Variants in NBEAL1 observed in about 807,000 individuals in gnomAD.
The protein encoded by NBEAL1 is neurobeachin like 1.
In NBEAL1, 273 loss-of-function variants were observed where a neutral mutation model predicts 351.3. The observed-to-expected ratio is 0.78, with a 90% CI of 0.70 to 0.86. NBEAL1 has a LOEUF of 0.86. Among genes scored for constraint, NBEAL1 ranks in the 40% least tolerant of loss-of-function variants. The pLI, the probability that NBEAL1 is intolerant of heterozygous loss-of-function variation, is 0.00. For missense variants in NBEAL1, 2,961 were observed against 3,201.3 expected (o/e 0.92, Z 1.81); for synonymous variants, 1,050 against 1,086.4 (o/e 0.97, Z 0.66).
intron 9 of NBEAL1, among the ~76,000 whole-genome samples, chr2:203,084,250 C>T (rs2061924857): frequency 1.3e-5 from 2 of 152,106 alleles, no homozygotes. Context: ...TTATTTATAT[C>T]CTGCCACTCA....
intron 34 of NBEAL1, among the ~76,000 whole-genome samples, chr2:203,151,011 A>G (rs537790949): frequency 1.3e-5 from 2 of 152,206 alleles, no homozygotes; most frequent in Non-Finnish European, 2.9e-5. Context: ...ATTAAATGAG[A>G]TAAAAAATGT....
At chr2:203,121,429 G>A (rs1474457041) in intron 18 of NBEAL1, among the ~76,000 whole-genome samples, 2 of 152,086 alleles carry the variant, frequency 1.3e-5, no homozygotes, top group East Asian at 1.9e-4. Context: ...GAGGTGGGTG[G>A]ATCCCTTGAG....
intron 47 of NBEAL1, among the ~76,000 whole-genome samples, chr2:203,196,778 T>C (rs1221727750): frequency 1.3e-5 from 2 of 152,204 alleles, no homozygotes; most frequent in African/African-American, 4.8e-5. Context: ...TTGTTCTCTT[T>C]CACATTGTTA....
intron 4 of NBEAL1, among the ~76,000 whole-genome samples, chr2:203,051,767 G>T (rs11683327): frequency 1.3e-5 from 2 of 151,904 alleles, no homozygotes; most frequent in East Asian, 3.9e-4. Flanking sequence ...AATTTTTTGG[G>T]TAGTAGATAG....
At position 203,107,973 on chromosome 2, in the gene NBEAL1, C is replaced by T. The variant is rs745854018; in HGVS notation, c.1734C>T (p.Pro578=). Residue 578 remains proline, a synonymous_variant, in exon 14 of 56, where the codon CCC becomes CCT. Coordinates refer to ENST00000683969, the MANE Select transcript of NBEAL1 (RefSeq NM_001378026.1). ...ESESVHPYVT[P]VTRAILTMAR... is the part of the protein sequence containing the mutation. ...AGTCTGTTCACCCTTATGTCACTCC[C>T]GTGACTCGAGCAATCCTGACAATGG... 1.4e-5 allele frequency: 22 copies of T among 1,554,358 alleles called. No individual in the cohort carries two copies. Among genetic ancestry groups the T allele is most frequent in the East Asian group, 4.8e-5 (2 of 41,738 alleles).
intron 42 of NBEAL1, among the ~76,000 whole-genome samples, chr2:203,176,239 T>A (rs2064497263): frequency 7.0e-6 from 1 of 143,244 alleles, no homozygotes; most frequent in South Asian, 2.3e-4. Flanking sequence ...AGTGGTGCAA[T>A]CTCAGCTCAC....
At chr2:203,175,815 A>G (rs979808495) in intron 42 of NBEAL1, among the ~76,000 whole-genome samples, 11 of 152,134 alleles carry the variant, frequency 7.2e-5, no homozygotes, top group African/African-American at 2.7e-4. Flanking sequence ...TCCTCCACAT[A>G]GCTCCCTATT....
Position 203,200,393 on chromosome 2 carries a change from G to A in NBEAL1, c.7238+946G>A, listed in dbSNP as rs972039058. Reference sequence around the variant, plus strand: ...CCAGGCATGGTGGCAGGCGCCTGTAGTCCCAGCTACTAGGGAGGCTGAGGC... The same window carrying A: ...CCAGGCATGGTGGCAGGCGCCTGTAATCCCAGCTACTAGGGAGGCTGAGGC... On this transcript the variant is annotated intron_variant, in intron 49 of 55. Coordinates refer to ENST00000683969, the MANE Select transcript of NBEAL1 (RefSeq NM_001378026.1). Among the ~76,000 whole-genome samples the A allele has an allele frequency of 1.1e-4, 17 of 152,006 alleles. 1 individual carries two copies. Among genetic ancestry groups the A allele is most frequent in the Non-Finnish European group, 2.1e-4 (14 of 68,004 alleles).
chr2:203,154,020 C>T (rs1378589334), intron 35 of NBEAL1, among the ~76,000 whole-genome samples: 5 of 151,544 alleles, frequency 3.3e-5, no homozygotes, highest in East Asian at 3.9e-4. Context: ...CGGAGGTGGG[C>T]GGATCACGAG....
intron 8 of NBEAL1, among the ~76,000 whole-genome samples, chr2:203,082,078 C>G (rs757354478): frequency 6.6e-6 from 1 of 152,066 alleles, no homozygotes; most frequent in Non-Finnish European, 1.5e-5. Flanking sequence ...CAGAGGAAGA[C>G]CTTGTCTGAA....
Position 203,190,734 on chromosome 2 carries a change from T to C in NBEAL1, c.6921+345T>C. 5 of 1,601,028 alleles carry C rather than the reference T, an allele frequency of 3.1e-6. No homozygotes were observed. The South Asian group carries it at 5.6e-5, about 18-fold the overall frequency. On this transcript the variant is annotated intron_variant, in intron 46 of 55. Transcript: ENST00000683969. Reference sequence around the variant, plus strand: ...GGAGGAGGCCAAGGTGCAACTTTCTTCGGTCGTCCCGAATCCGGGTTCATC... The same window carrying C: ...GGAGGAGGCCAAGGTGCAACTTTCTCCGGTCGTCCCGAATCCGGGTTCATC...
At chr2:203,199,154 A>G (rs2065321781) in intron 48 of NBEAL1, among the ~76,000 whole-genome samples, 184 bp from the exon 49 acceptor site, 1 of 152,208 alleles carries the variant, frequency 6.6e-6, no homozygotes, top group Admixed American at 6.5e-5. Context: ...AAAATAAAAG[A>G]TAAAAAAAGA....
chr2:203,203,989 C>T (rs1412598196), intron 51 of NBEAL1, among the ~76,000 whole-genome samples: 2 of 150,522 alleles, frequency 1.3e-5, no homozygotes, highest in South Asian at 2.1e-4. Flanking sequence ...AGTGCAGTGG[C>T]GCAAGCTTGG....
intron 2 of NBEAL1, among the ~76,000 whole-genome samples, chr2:203,019,231 T>C (rs2105988015): frequency 6.6e-6 from 1 of 152,314 alleles, no homozygotes; most frequent in Admixed American, 6.5e-5. Context: ...TAGAATAATT[T>C]ATTAGTGTAG....
At chr2:203,094,208 T>G (rs1040858236) in intron 10 of NBEAL1, among the ~76,000 whole-genome samples, 1 of 152,154 alleles carries the variant, frequency 6.6e-6, no homozygotes, top group Admixed American at 6.5e-5. Context: ...GTTTAGTCAG[T>G]AGGGAAAAAT....
intron 8 of NBEAL1, among the ~76,000 whole-genome samples, chr2:203,082,978 C>T (rs1318943255): frequency 6.6e-6 from 1 of 152,110 alleles, no homozygotes; most frequent in African/African-American, 2.4e-5. Flanking sequence ...ATATCCTTGA[C>T]CAGAACTATG....
In NBEAL1 at chr2:203,162,662, T is replaced by G. The variant is rs1218214697; in HGVS notation, c.5715-3487T>G. Among the ~76,000 whole-genome samples, 7 of 152,154 alleles carry G rather than the reference T, an allele frequency of 4.6e-5. No individual in the cohort carries two copies. In the East Asian group the frequency reaches 1.3e-3, roughly 29 times the overall value. On this transcript the variant is annotated intron_variant, in intron 36 of 55. Coordinates refer to ENST00000683969, the MANE Select transcript of NBEAL1 (RefSeq NM_001378026.1). ...GGGAGGCTGAAGTGGGAGGAATGTT[T>G]GAGCCTGGAAGGTGGAGGTTACAAT...
At position 203,126,915 on chromosome 2, in the gene NBEAL1, G is replaced by A. The variant is rs901245041; in HGVS notation, c.3237G>A (p.Arg1079=). The change falls in exon 23 of 56, where the codon AGG becomes AGA. Residue 1079 remains arginine, a synonymous_variant. Coordinates refer to ENST00000683969, the MANE Select transcript of NBEAL1 (RefSeq NM_001378026.1). The part of the protein sequence containing the change: ...YGVQFLLDTL[R]IYYGNGCKYN... ...TGCAGTTTCTCCTAGATACACTTAG[G>A]ATTTATTATGGGTATGATGCCCTTG... 1 of 1,544,280 alleles carries A rather than the reference G, an allele frequency of 6.5e-7. No homozygotes were observed. The highest frequency in any genetic ancestry group is 1.4e-5 in the African/African-American group (1 of 73,044).
intron 51 of NBEAL1, among the ~76,000 whole-genome samples, chr2:203,206,776 C>A (rs1332466713): frequency 6.6e-6 from 1 of 151,812 alleles, no homozygotes. Flanking sequence ...GTACAACATC[C>A]ACCTCCCAGC....
Sources: allele counts gnomAD v4.1 joint callset (sites outside exome capture counted in the v4.1 genomes callset), GRCh38; gene constraint gnomAD v4.1.1; transcripts MANE v1.5; gene names NCBI Gene and HGNC (gene_info 2026-07-23, HGNC 2026-07-21).